Variants in EDA2R observed in about 807,000 individuals in gnomAD.
EDA2R encodes the protein tumor necrosis factor receptor superfamily member 27.
EDA2R carries 26 observed loss-of-function variants against 20.1 expected under a neutral mutation model. The ratio of observed to expected loss-of-function variants is 1.30; its 90% CI spans 0.95 to 1.80. EDA2R has a LOEUF of 1.80. Among genes scored for constraint, EDA2R ranks in the 40% most tolerant of loss-of-function variants. EDA2R has a pLI of 0.00. For missense variants in EDA2R, 277 were observed against 228.7 expected (o/e 1.21, Z -1.36); for synonymous variants, 114 against 88.7 (o/e 1.29, Z -1.60).
In EDA2R at chrX:66,639,039, C is replaced by G. The variant is rs1313157473; in HGVS notation, c.-55G>C. On this transcript the variant is annotated 5_prime_UTR_variant, in exon 1 of 7. Transcript: ENST00000374719. ...TGGCTCTTGCTCCCAAATGGGACTC[C>G]GGTACAAATCCACCTCAGCGCAGAG... is the stretch of plus-strand genomic sequence containing the variant. 1 of 108,107 alleles carries G rather than the reference C, an allele frequency of 9.3e-6. No homozygotes were observed. 8.9% of individuals were successfully genotyped at this position (108,107 alleles called of 1,213,427 possible).
rs1242985043 is a variant in EDA2R, at chrX:66,597,932, T to A, written c.*172A>T. ...AAGAAATGCTCCAGATCAGTCCTTG[T>A]GAAATGGAGAATCAATCCTCTGGTG... On this transcript the variant is annotated 3_prime_UTR_variant, in exon 7 of 7. Coordinates refer to ENST00000374719, the MANE Select transcript of EDA2R (RefSeq NM_021783.5). 1.6e-5 allele frequency: 11 copies of A among 683,462 alleles called. No individual in the cohort carries two copies. The highest frequency in any genetic ancestry group is 1.5e-5 in the Non-Finnish European group (8 of 522,008). The allele number at this position is 683,462 out of a possible 1,213,427, so 56.3% of individuals were successfully genotyped here. A position where few individuals can be genotyped will look rare whatever the true frequency, so the allele number is the denominator to read the frequency against.
At chrX:66,621,148 G>A (rs1337932871) in intron 1 of EDA2R, among the ~76,000 whole-genome samples, 1 of 110,142 alleles carries the variant, frequency 9.1e-6, no homozygotes, top group Non-Finnish European at 1.9e-5. Flanking sequence ...ATGGTGGCAG[G>A]CACCTGTAAT....
At chrX:66,631,187 A>G (rs1292272277) in intron 1 of EDA2R, among the ~76,000 whole-genome samples, 1 of 110,521 alleles carries the variant, frequency 9.0e-6, no homozygotes. Flanking sequence ...GAATGACACA[A>G]TGGACTTTGG....
intron 1 of EDA2R, among the ~76,000 whole-genome samples, chrX:66,617,246 G>T (rs183086050): frequency 8.9e-6 from 1 of 112,068 alleles, no homozygotes. Flanking sequence ...CATTCTAAAT[G>T]GCATTCCATA....
At chrX:66,626,059 T>C (rs1933042069) in intron 1 of EDA2R, among the ~76,000 whole-genome samples, 1 of 110,907 alleles carries the variant, frequency 9.0e-6, no homozygotes, top group South Asian at 3.8e-4. Context: ...CCTACGCAAA[T>C]GAGAAAGAAC....
Position 66,599,440 on chromosome X carries a change from T to C in EDA2R, c.*10+34A>G, listed in dbSNP as rs746668039. Reference sequence around the variant, plus strand: ...TAGTCCTTAATTTCTGTTTTGCTTTTTTTGTTTTTTTCTGATCCACCTTTC... The same window carrying C: ...TAGTCCTTAATTTCTGTTTTGCTTTCTTTGTTTTTTTCTGATCCACCTTTC... On this transcript the variant is annotated intron_variant, in intron 6 of 6. Coordinates refer to ENST00000374719, the MANE Select transcript of EDA2R (RefSeq NM_021783.5). 3 of 1,038,840 alleles carry C rather than the reference T, an allele frequency of 2.9e-6. No individual in the cohort carries two copies. In the South Asian group the frequency reaches 7.7e-5, roughly 27 times the overall value. 85.6% of individuals were successfully genotyped at this position (1,038,840 alleles called of 1,213,427 possible).
At chrX:66,600,166 T>A in intron 5 of EDA2R, 3 of 788,111 alleles carry the variant, frequency 3.8e-6, no homozygotes, top group Admixed American at 3.2e-5. Context: ...CTTCATGGCC[T>A]GGTCTTATGT....
rs1929456191 is a variant in EDA2R, at chrX:66,605,234, C to T, written c.88-8G>A. The T allele has an allele frequency of 1.7e-6, 2 of 1,196,218 alleles. No individual in the cohort carries two copies. The highest frequency in any genetic ancestry group is 2.3e-5 in the Admixed American group (1 of 44,410). ...CTCTCCATAACCACAATCCTGTAGA[C>T]AGATGGGGGTTGTTAATATTGCTTT... On this transcript the variant is annotated splice_polypyrimidine_tract_variant and splice_region_variant and intron_variant, in intron 2 of 6. Coordinates refer to ENST00000374719, the MANE Select transcript of EDA2R (RefSeq NM_021783.5).
intron 2 of EDA2R, among the ~76,000 whole-genome samples, chrX:66,606,833 T>C (rs757397459): frequency 8.9e-6 from 1 of 111,921 alleles, no homozygotes; most frequent in East Asian, 2.8e-4. Flanking sequence ...ACTGTGTATG[T>C]CTGTCCTAAC....
chrX:66,621,761 T>C lies in EDA2R; in HGVS notation c.-10-5731A>G, dbSNP rs148161750. On this transcript the variant is annotated intron_variant, in intron 1 of 6. Coordinates refer to ENST00000374719, the MANE Select transcript of EDA2R (RefSeq NM_021783.5). The stretch of plus-strand genomic sequence containing the variant: ...CCTGGGGAGAAAGGGAAATGGGAAG[T>C]GACTGCTGAATAGGTATGTTTCTTT... Among the ~76,000 whole-genome samples, 578 of 111,658 alleles carry C rather than the reference T, an allele frequency of 5.2e-3. 3 individuals are homozygous for C. The highest frequency in any genetic ancestry group is 0.017 in the African/African-American group (513 of 30,735).
intron 2 of EDA2R, among the ~76,000 whole-genome samples, chrX:66,611,740 G>GA: frequency 9.0e-6 from 1 of 110,793 alleles, no homozygotes; most frequent in Non-Finnish European, 1.9e-5. Flanking sequence ...CTTATGAAAA[G>GA]AAAATTTTTT....
At chrX:66,604,650 T>C (rs1228921201) in intron 3 of EDA2R, 144 bp from the exon 4 acceptor site, 5 of 503,245 alleles carry the variant, frequency 9.9e-6, no homozygotes, top group Non-Finnish European at 1.6e-5. Context: ...TGCCTCTGTG[T>C]CTTTTTCTGA....
At chrX:66,633,393 T>C (rs1332663057) in intron 1 of EDA2R, among the ~76,000 whole-genome samples, 2 of 111,882 alleles carry the variant, frequency 1.8e-5, no homozygotes, top group Non-Finnish European at 3.8e-5. Flanking sequence ...CAGCAAACTC[T>C]AGGCTGATTT....
At position 66,596,766 on chromosome X, in the gene EDA2R, A is replaced by AAC. The variant is rs941422545; in HGVS notation, c.*1337_*1338insGT. ...AAACAAAAACAAAAACAAAAACAAA[A>AAC]AAAAAACAGGAAACCTAAAGGCCAA... On this transcript the variant is annotated 3_prime_UTR_variant, in exon 7 of 7. Transcript: ENST00000374719. 3.6e-5 allele frequency: 4 copies of AAC among 112,208 alleles called. No homozygotes were observed. The highest frequency in any genetic ancestry group is 1.3e-4 in the African/African-American group (4 of 30,830). The allele number at this position is 112,208 out of a possible 1,213,427, so 9.2% of individuals were successfully genotyped here.
In EDA2R at chrX:66,623,623, C is replaced by A. The variant is rs184977707; in HGVS notation, c.-10-7593G>T. Reference sequence around the variant, plus strand: ...CTCAATTTCCCCCATTATTTATTGACCTTAAGTTCTACTACTCTTTTCCTT... The same window carrying A: ...CTCAATTTCCCCCATTATTTATTGAACTTAAGTTCTACTACTCTTTTCCTT... On this transcript the variant is annotated intron_variant, in intron 1 of 6. Transcript: ENST00000374719. 1.3e-3 allele frequency among the ~76,000 whole-genome samples: 147 copies of A among 111,697 alleles called. 3 individuals carry two copies. The highest frequency in any genetic ancestry group is 4.5e-3 in the African/African-American group (140 of 30,782).
At chrX:66,628,772 A>G (rs1484969403) in intron 1 of EDA2R, among the ~76,000 whole-genome samples, 3 of 110,812 alleles carry the variant, frequency 2.7e-5, no homozygotes, top group African/African-American at 9.8e-5. Context: ...TCAAAGAACA[A>G]TTGGTACCAA....
At chrX:66,603,329 T>A (rs1928999046) in intron 4 of EDA2R, among the ~76,000 whole-genome samples, 1 of 112,015 alleles carries the variant, frequency 8.9e-6, no homozygotes. Flanking sequence ...AACCCAAGTA[T>A]TAAAACATTA....
intron 1 of EDA2R, among the ~76,000 whole-genome samples, chrX:66,632,845 T>G (rs1933969223): frequency 8.9e-6 from 1 of 111,775 alleles, no homozygotes; most frequent in Non-Finnish European, 1.9e-5. Context: ...GGTACTACAG[T>G]TTTTAATGGG....
At chrX:66,614,031 C>A (rs1383749268) in intron 2 of EDA2R, among the ~76,000 whole-genome samples, 1 of 110,895 alleles carries the variant, frequency 9.0e-6, no homozygotes. Context: ...TTCTCATTGG[C>A]CAGATACTTA....
Sources: allele counts gnomAD v4.1 joint callset (sites outside exome capture counted in the v4.1 genomes callset), GRCh38; gene constraint gnomAD v4.1.1; transcripts MANE v1.5; gene names NCBI Gene and HGNC (gene_info 2026-07-23, HGNC 2026-07-21).